Variants in ATXN8OS observed in about 807,000 individuals in gnomAD.
The protein encoded by ATXN8OS is ATXN8 opposite strand lncRNA, also known as ATXN8 opposite strand (non-protein coding).
exon 5 of ATXN8OS, among the ~76,000 whole-genome samples, chr13:70,169,976 G>T (rs1412414940): frequency 2.0e-5 from 3 of 152,050 alleles, no homozygotes. Flanking sequence ...TGCCTTTACT[G>T]CTACTCTCTG....
At chr13:70,154,849 C>T (rs548886358) in intron 4 of ATXN8OS, among the ~76,000 whole-genome samples, 62 of 152,320 alleles carry the variant, frequency 4.1e-4, no homozygotes, top group Middle Eastern at 3.4e-3. Flanking sequence ...ACTACAGCTG[C>T]CTGGGCACCA....
At chr13:70,135,681 A>G (rs913859233) in intron 3 of ATXN8OS, among the ~76,000 whole-genome samples, 12 of 152,026 alleles carry the variant, frequency 7.9e-5, no homozygotes, top group African/African-American at 2.9e-4. Flanking sequence ...CTGCACTACT[A>G]TGTACAAATT....
chr13:70,141,702 G>A (rs1888718171), intron 3 of ATXN8OS, among the ~76,000 whole-genome samples: 1 of 151,618 alleles, frequency 6.6e-6, no homozygotes, highest in Non-Finnish European at 1.5e-5. Flanking sequence ...AAAAAAGCCA[G>A]GAAACTGATT....
intron 4 of ATXN8OS, among the ~76,000 whole-genome samples, chr13:70,159,914 T>C (rs1454406923): frequency 6.6e-6 from 1 of 152,242 alleles, no homozygotes; most frequent in Non-Finnish European, 1.5e-5. Flanking sequence ...GTACAGTGTG[T>C]TTGTCCATTC....
At chr13:70,109,819 T>C (rs1414157898) in intron 1 of ATXN8OS, among the ~76,000 whole-genome samples, 3 of 152,086 alleles carry the variant, frequency 2.0e-5, no homozygotes, top group African/African-American at 7.2e-5. Flanking sequence ...AAATTACACA[T>C]CACAAACAGG....
intron 3 of ATXN8OS, among the ~76,000 whole-genome samples, chr13:70,141,940 A>G (rs965514949): frequency 2.6e-5 from 4 of 152,168 alleles, no homozygotes; most frequent in African/African-American, 9.6e-5. Context: ...CTGGAACCCA[A>G]TGGCAGGGTC....
chr13:70,153,243 C>T (rs1593774611), intron 4 of ATXN8OS, among the ~76,000 whole-genome samples: 1 of 152,188 alleles, frequency 6.6e-6, no homozygotes, highest in South Asian at 2.1e-4. Flanking sequence ...TTTTGGCATC[C>T]TTTTTGTCAA....
intron 3 of ATXN8OS, among the ~76,000 whole-genome samples, chr13:70,138,102 C>T (rs1322336716): frequency 6.6e-6 from 1 of 152,224 alleles, no homozygotes; most frequent in African/African-American, 2.4e-5. Flanking sequence ...CCTCCTCCAA[C>T]ATTGGGGCTT....
At chr13:70,124,931 A>AG (rs1283403250) in intron 2 of ATXN8OS, among the ~76,000 whole-genome samples, 1 of 86,912 alleles carries the variant, frequency 1.2e-5, no homozygotes, top group Non-Finnish European at 2.2e-5. Flanking sequence ...GTGTAATTTG[A>AG]GGGTTTTTTT....
intron 4 of ATXN8OS, among the ~76,000 whole-genome samples, chr13:70,151,717 G>A (rs1888869431): frequency 6.6e-6 from 1 of 152,008 alleles, no homozygotes. Context: ...TGAATAGGAG[G>A]GAGCGATGAT....
intron 3 of ATXN8OS, among the ~76,000 whole-genome samples, chr13:70,140,237 A>G (rs560489565): frequency 6.6e-6 from 1 of 152,208 alleles, no homozygotes; most frequent in East Asian, 1.9e-4. Context: ...AAATATGACC[A>G]AAGTGTTCCT....
chr13:70,147,480 C>A (rs1240738908), intron 4 of ATXN8OS, among the ~76,000 whole-genome samples: 1 of 152,032 alleles, frequency 6.6e-6, no homozygotes, highest in African/African-American at 2.4e-5. Context: ...TCAGTGTTTT[C>A]TTCACTGCCA....
intron 2 of ATXN8OS, among the ~76,000 whole-genome samples, chr13:70,123,202 A>C (rs1888386052): frequency 6.6e-6 from 1 of 152,078 alleles, no homozygotes; most frequent in Non-Finnish European, 1.5e-5. Flanking sequence ...ACTGAAGTTT[A>C]AATATTGAAA....
At chr13:70,140,547 C>A (rs1168719460) in intron 3 of ATXN8OS, among the ~76,000 whole-genome samples, 42 of 84,372 alleles carry the variant, frequency 5.0e-4, no homozygotes, top group Admixed American at 1.9e-3. Flanking sequence ...AAAAAAAAAA[C>A]GGAGAAGAAA....
At chr13:70,131,588 A>G in intron 3 of ATXN8OS, 1 of 397,802 alleles carries the variant, frequency 2.5e-6, no homozygotes, top group Non-Finnish European at 4.4e-6. Flanking sequence ...AATACTTTTT[A>G]CCACTTCCCT....
intron 4 of ATXN8OS, among the ~76,000 whole-genome samples, chr13:70,149,398 C>T (rs1470742476): frequency 6.6e-6 from 1 of 152,032 alleles, no homozygotes; most frequent in African/African-American, 2.4e-5. Flanking sequence ...TTTTACTCTT[C>T]ATTAAATGAA....
At position 70,131,189 on chromosome 13, in the gene ATXN8OS, A is replaced by G. The variant is rs1192950996; in HGVS notation, n.499+1305A>G. 1.0e-5 allele frequency: 4 copies of G among 398,268 alleles called. No individual in the cohort carries two copies. The Admixed American group carries it at 1.3e-4, about 13-fold the overall frequency. 24.7% of individuals were successfully genotyped at this position (398,268 alleles called of 1,614,324 possible). A position where few individuals can be genotyped will look rare whatever the true frequency, so the allele number is the denominator to read the frequency against. The stretch of plus-strand genomic sequence containing the variant: ...AAGGAAAGTCAATATAGAGAGTAAG[A>G]AGTATATCTGTCACAATGTGTACAT... On this transcript the variant is annotated intron_variant and non_coding_transcript_variant, in intron 3 of 4. Transcript: ENST00000678624.
At chr13:70,168,680 A>T (rs1889108100) in intron 4 of ATXN8OS, among the ~76,000 whole-genome samples, 1 of 151,556 alleles carries the variant, frequency 6.6e-6, no homozygotes, top group Admixed American at 6.6e-5. Flanking sequence ...TAACATAACA[A>T]CCTTTAGTTC....
chr13:70,140,533 CA>C (rs58996989), intron 3 of ATXN8OS, among the ~76,000 whole-genome samples: 5 of 133,040 alleles, frequency 3.8e-5, no homozygotes, highest in Admixed American at 7.5e-5. Flanking sequence ...CACACACACA[CA>C]AAAAAAAAAA....
Sources: allele counts gnomAD v4.1 joint callset (sites outside exome capture counted in the v4.1 genomes callset), GRCh38; gene constraint gnomAD v4.1.1; transcripts MANE v1.5; gene names NCBI Gene and HGNC (gene_info 2026-07-23, HGNC 2026-07-21).